IL21R: variants seen among roughly 807,000 people sequenced by gnomAD.
The protein encoded by IL21R is interleukin-21 receptor.
In IL21R, 14 loss-of-function variants were observed where a neutral mutation model predicts 41.3. That is an observed-to-expected ratio of 0.34 (90% CI 0.22 to 0.53). The LOEUF (loss-of-function observed/expected upper bound fraction) is 0.53, where lower values mean the gene tolerates loss of function less well. IL21R is among the 20% of genes least tolerant of loss of function. IL21R has a pLI of 0.94. For missense variants in IL21R, 588 were observed against 681.6 expected (o/e 0.86, Z 1.53); for synonymous variants, 286 against 287.6 (o/e 0.99, Z 0.05).
At chr16:27,437,065 C>A (rs3093340) in intron 3 of IL21R, among the ~76,000 whole-genome samples, 1 of 152,068 alleles carries the variant, frequency 6.6e-6, no homozygotes, top group Non-Finnish European at 1.5e-5. Context: ...CAGAGTGAGA[C>A]CCTGTCTCAA....
Position 27,448,939 on chromosome 16 carries a change from G to A in IL21R, c.1273G>A (p.Val425Ile). 1.2e-6 allele frequency: 2 copies of A among 1,613,240 alleles called. No homozygotes were observed. The highest frequency in any genetic ancestry group is 1.7e-6 in the Non-Finnish European group (2 of 1,179,876). The change falls in exon 9 of 9, where the codon GTC becomes ATC. Residue 425 changes from valine to isoleucine, a missense_variant. By Grantham distance (29) the Val-to-Ile change is conservative. Transcript: ENST00000337929. The stretch of plus-strand genomic sequence containing the variant: ...CCCACTCTTGGATGCAGGGACCACA[G>A]TCCTGTCCTGTGGCTGTGTCTCAGC... ...EDPLLDAGTTVLSCGCVSAGS... is the reference protein window; with the variant it reads ...EDPLLDAGTTILSCGCVSAGS...
chr16:27,405,762 T>G (rs2086734467), intron 1 of IL21R, among the ~76,000 whole-genome samples: 1 of 152,150 alleles, frequency 6.6e-6, no homozygotes, highest in South Asian at 2.1e-4. Context: ...CAAAGGGACT[T>G]TTCATGACAG....
At chr16:27,432,680 C>T (rs1047567630) in intron 2 of IL21R, among the ~76,000 whole-genome samples, 1 of 152,180 alleles carries the variant, frequency 6.6e-6, no homozygotes, top group Non-Finnish European at 1.5e-5. Context: ...CAAAATCAGT[C>T]CTGTTTTCTC....
At chr16:27,430,265 G>A (rs1285187170) in intron 2 of IL21R, 145 bp downstream of exon 2, 23 of 652,930 alleles carry the variant, frequency 3.5e-5, no homozygotes, top group East Asian at 5.7e-5. Context: ...AGGCTGACAC[G>A]AGTCCAGTAG....
intron 8 of IL21R, among the ~76,000 whole-genome samples, chr16:27,447,235 A>G (rs2087497486): frequency 6.6e-6 from 1 of 152,114 alleles, no homozygotes; most frequent in Non-Finnish European, 1.5e-5. Flanking sequence ...AGCACTTGCT[A>G]TATACCAGGC....
intron 1 of IL21R, chr16:27,403,336 G>A: frequency 2.8e-6 from 3 of 1,066,848 alleles, no homozygotes; most frequent in East Asian, 4.5e-5. Context: ...GGAGCCCTGG[G>A]GAGCGGGAAC....
At chr16:27,432,193 A>G (rs1222952443) in intron 2 of IL21R, among the ~76,000 whole-genome samples, 1 of 152,228 alleles carries the variant, frequency 6.6e-6, no homozygotes, top group Non-Finnish European at 1.5e-5. Flanking sequence ...GGCCTTCACC[A>G]TGCTGTGCTG....
chr16:27,410,805 T>C (rs957870719), intron 1 of IL21R, among the ~76,000 whole-genome samples: 3 of 152,244 alleles, frequency 2.0e-5, no homozygotes, highest in African/African-American at 7.2e-5. Context: ...TCTATACCCA[T>C]TGAAAAACAA....
At chr16:27,438,381 A>C (rs2087311569) in intron 4 of IL21R, among the ~76,000 whole-genome samples, 1 of 152,066 alleles carries the variant, frequency 6.6e-6, no homozygotes, top group Non-Finnish European at 1.5e-5. Context: ...GGGGGGTCCC[A>C]GGGGCAGGAG....
Position 27,448,898 on chromosome 16 carries a change from G to C in IL21R, c.1232G>C (p.Ser411Thr), listed in dbSNP as rs1403850891. 6.2e-7 allele frequency: 1 copy of C among 1,611,958 alleles called. No individual in the cohort carries two copies. Residue 411 changes from serine to threonine, a missense_variant, in exon 9 of 9, where the codon AGC (serine) becomes ACC (threonine). Coordinates refer to ENST00000337929, the MANE Select transcript of IL21R (RefSeq NM_181078.3). ...ALDLDAGLEP[S>T]PGLEDPLLDA... Reference sequence around the variant, plus strand: ...GACCTGGATGCTGGCCTGGAGCCCAGCCCAGGCCTAGAGGACCCACTCTTG... The same window carrying C: ...GACCTGGATGCTGGCCTGGAGCCCACCCCAGGCCTAGAGGACCCACTCTTG...
At chr16:27,427,419 A>G (rs147615615) in intron 1 of IL21R, 30 of 702,084 alleles carry the variant, frequency 4.3e-5, no homozygotes, top group Middle Eastern at 7.1e-4. Flanking sequence ...TTTTAAAGAC[A>G]GGGTCTCACT....
intron 1 of IL21R, among the ~76,000 whole-genome samples, chr16:27,418,146 T>C (rs2086926062): frequency 6.6e-6 from 1 of 151,758 alleles, no homozygotes; most frequent in South Asian, 2.1e-4. Flanking sequence ...CTCGGCTCAC[T>C]GCAAGCTCCG....
intron 1 of IL21R, among the ~76,000 whole-genome samples, chr16:27,418,564 G>A (rs1040538030): frequency 3.3e-5 from 5 of 151,928 alleles, no homozygotes; most frequent in Non-Finnish European, 7.4e-5. Context: ...TAGAGACGGG[G>A]TTTCACCATG....
At chr16:27,439,595 A>G (rs1048187631) in intron 4 of IL21R, among the ~76,000 whole-genome samples, 1 of 150,748 alleles carries the variant, frequency 6.6e-6, no homozygotes, top group Non-Finnish European at 1.5e-5. Context: ...ACACTCACAC[A>G]TGCATTCTCA....
intron 1 of IL21R, among the ~76,000 whole-genome samples, chr16:27,428,162 T>C (rs3093291): frequency 0.36 from 55,238 of 151,886 alleles, 10,409 homozygotes; most frequent in East Asian, 0.54. Flanking sequence ...GGGGGCCATC[T>C]GCAGGGTTTT....
At chr16:27,417,268 C>T (rs1290901167) in intron 1 of IL21R, among the ~76,000 whole-genome samples, 1 of 147,952 alleles carries the variant, frequency 6.8e-6, no homozygotes, top group East Asian at 2.0e-4. Flanking sequence ...CTCATGTGAT[C>T]CTCCCACCTT....
In IL21R at chr16:27,448,753, T is replaced by C. The variant is rs763539161; in HGVS notation, c.1087T>C (p.Tyr363His). The C allele has an allele frequency of 4.3e-6, 7 of 1,613,560 alleles. No homozygotes were observed. In the South Asian group the frequency reaches 4.4e-5, roughly 10 times the overall value. Residue 363 changes from tyrosine to histidine, a missense_variant, in exon 9 of 9, where the codon TAC becomes CAC. Tyr to His is a moderately conservative substitution (Grantham distance 83). Transcript: ENST00000337929. ...PTAQNSGGSA[Y>H]SEERDRPYGL... is the part of the protein sequence containing the mutation. ...AGCCCAGAACTCGGGGGGCTCAGCT[T>C]ACAGTGAGGAGAGGGATCGGCCATA...
At chr16:27,402,988 C>T in intron 1 of IL21R, 1 of 397,786 alleles carries the variant, frequency 2.5e-6, no homozygotes, top group Non-Finnish European at 5.1e-6. Flanking sequence ...GGTGTAGAGC[C>T]TGATGGGACC....
At chr16:27,439,074 G>T (rs1157434469) in intron 4 of IL21R, among the ~76,000 whole-genome samples, 2 of 152,124 alleles carry the variant, frequency 1.3e-5, no homozygotes, top group Non-Finnish European at 2.9e-5. Flanking sequence ...CAGAGGGGCT[G>T]GGGTATAAGA....
Sources: allele counts gnomAD v4.1 joint callset (sites outside exome capture counted in the v4.1 genomes callset), GRCh38; gene constraint gnomAD v4.1.1; transcripts MANE v1.5; gene names NCBI Gene and HGNC (gene_info 2026-07-23, HGNC 2026-07-21).